The following SEC22B variants were observed in gnomAD, a reference collection of about 807,000 sequenced individuals.
The protein encoded by SEC22B is vesicle-trafficking protein SEC22b.
SEC22B carries 10 observed loss-of-function variants against 31.4 expected under a neutral mutation model. That is an observed-to-expected ratio of 0.32 (90% confidence interval 0.20 to 0.54). SEC22B has a LOEUF of 0.54. Ranked by LOEUF, SEC22B falls within the 20% of genes least tolerant of loss-of-function variation. SEC22B has a pLI of 0.94. For synonymous variants in SEC22B, 60 were observed against 95.9 expected (o/e 0.63, Z 2.19); for missense variants, 130 against 263.4 (o/e 0.49, Z 3.50).
intron 1 of SEC22B, among the ~76,000 whole-genome samples, chr1:120,170,504 T>G (rs1192510157): frequency 0.22 from 33,277 of 148,350 alleles, 6,178 homozygotes; most frequent in African/African-American, 0.52. Context: ...GAACTGGAAA[T>G]TTCAATAAGA....
chr1:120,169,613 C>G (rs1471582108), intron 1 of SEC22B, among the ~76,000 whole-genome samples: 2 of 149,566 alleles, frequency 1.3e-5, no homozygotes, highest in African/African-American at 4.9e-5. Context: ...GTTATAATTA[C>G]AGGTAATATT....
At position 120,151,946 on chromosome 1, in the gene SEC22B, C is replaced by T. The variant is rs1298304213; in HGVS notation, c.*5092G>A. 103 of 151,866 alleles carry T rather than the reference C, an allele frequency of 6.8e-4. No homozygotes were observed. The highest frequency in any genetic ancestry group is 3.4e-3 in the Middle Eastern group (1 of 290). 9.4% of individuals were successfully genotyped at this position (151,866 alleles called of 1,614,324 possible). On this transcript the variant is annotated 3_prime_UTR_variant, in exon 5 of 5. Coordinates refer to ENST00000578049, the MANE Select transcript of SEC22B (RefSeq NM_004892.6). ...TCAGGTAAAGGGGTGGCAGGTGACG[C>T]TTAAATACTAGAAATATAAGAAGCA...
In SEC22B at chr1:120,156,677, C is replaced by T. The variant is rs1253706925; in HGVS notation, c.*361G>A. The stretch of plus-strand genomic sequence containing the variant: ...TGAAGGAATTTCAGAATGTTGCTAG[C>T]ACAGGTTGACTAAGTTAAATCTCAT... On this transcript the variant is annotated 3_prime_UTR_variant, in exon 5 of 5. Transcript: ENST00000578049. 1 of 161,164 alleles carries T rather than the reference C, an allele frequency of 6.2e-6. No homozygotes were observed. The highest frequency in any genetic ancestry group is 1.7e-4 in the East Asian group (1 of 5,930). 10.0% of individuals were successfully genotyped at this position (161,164 alleles called of 1,614,324 possible).
In SEC22B at chr1:120,154,147, G is replaced by A. The variant is rs1234552122; in HGVS notation, c.*2891C>T. On this transcript the variant is annotated 3_prime_UTR_variant, in exon 5 of 5. Coordinates refer to ENST00000578049, the MANE Select transcript of SEC22B (RefSeq NM_004892.6). ...TCTCCAGTGCTCTGGAATTACTTCTGCCTGTATGATTAAGTTCCTCATTGT... is the reference window on the plus strand; with the variant it reads ...TCTCCAGTGCTCTGGAATTACTTCTACCTGTATGATTAAGTTCCTCATTGT... The A allele has an allele frequency of 1.3e-5, 2 of 151,780 alleles. No homozygotes were observed. The highest frequency in any genetic ancestry group is 1.5e-5 in the Non-Finnish European group (1 of 67,902). The allele number at this position is 151,780 out of a possible 1,614,324, so 9.4% of individuals were successfully genotyped here. A position where few individuals can be genotyped will look rare whatever the true frequency, so the allele number is the denominator to read the frequency against.
intron 1 of SEC22B, 147 bp downstream of exon 1, chr1:120,176,160 T>C (rs1553230180): frequency 1.9e-5 from 13 of 673,914 alleles, no homozygotes; most frequent in African/African-American, 3.6e-5. Flanking sequence ...TAGTCTCTCC[T>C]ACACCAAAAG....
At chr1:120,163,126 G>A (rs1269825943) in intron 3 of SEC22B, 84 bp downstream of exon 3, 26 of 556,436 alleles carry the variant, frequency 4.7e-5, no homozygotes, top group Middle Eastern at 3.0e-4. Context: ...CAGAAAAAAT[G>A]TATAAATATT....
chr1:120,158,361 A>G (rs1486352184), intron 4 of SEC22B: 1 of 125,274 alleles, frequency 8.0e-6, no homozygotes, highest in Non-Finnish European at 1.5e-5. Flanking sequence ...AGAGCCTACA[A>G]GAATATACAC....
rs1297406041 is a variant in SEC22B, at chr1:120,168,815, A to G, written c.185+25T>C. 4,920 of 874,662 alleles carry G rather than the reference A, an allele frequency of 5.6e-3. 1,231 individuals are homozygous for G. In the African/African-American group the frequency reaches 0.13, roughly 24 times the overall value. The allele number at this position is 874,662 out of a possible 1,614,324, so 54.2% of individuals were successfully genotyped here. On this transcript the variant is annotated intron_variant, in intron 2 of 4. Transcript: ENST00000578049. ...GTTACTGTATTTCACTTAAATGATC[A>G]TAAAGAAATCAAGATTACACTCACT...
At chr1:120,167,856 T>C (rs1657837730) in intron 2 of SEC22B, among the ~76,000 whole-genome samples, 3 of 152,124 alleles carry the variant, frequency 2.0e-5, no homozygotes, top group Admixed American at 6.6e-5. Context: ...CTCTAAACCA[T>C]GGTGAAAATG....
At position 120,176,486 on chromosome 1, in the gene SEC22B, A is replaced by T. The variant is rs1289897027; in HGVS notation, c.-105T>A. The T allele has an allele frequency of 3.7e-5, 38 of 1,015,134 alleles. No individual in the cohort carries two copies. The Admixed American group carries it at 4.1e-4, about 11-fold the overall frequency. 62.9% of individuals were successfully genotyped at this position (1,015,134 alleles called of 1,614,324 possible). The stretch of plus-strand genomic sequence containing the variant: ...ATACCCTATGTCTCAGTTACCGGAG[A>T]TCCAGCTGCTTGCGTCTCCGCTTCC... On this transcript the variant is annotated 5_prime_UTR_variant, in exon 1 of 5. Coordinates refer to ENST00000578049, the MANE Select transcript of SEC22B (RefSeq NM_004892.6).
chr1:120,176,363 T>C lies in SEC22B; in HGVS notation c.19A>G (p.Ile7Val). The C allele has an allele frequency of 6.2e-7, 1 of 1,613,784 alleles. No individual in the cohort carries two copies. The highest frequency in any genetic ancestry group is 1.1e-5 in the South Asian group (1 of 91,056). Residue 7 changes from isoleucine (I) to valine (V), a missense_variant, in exon 1 of 5, where the codon ATC becomes GTC. Physicochemically the swap from Ile to Val is conservative, Grantham distance 29 (BLOSUM62 3). Coordinates refer to ENST00000578049, the MANE Select transcript of SEC22B (RefSeq NM_004892.6). ...GGGAGCCCGTCCGCCACTCGGGCGA[T>C]CATTGTTAGCAACACCATCTTCACA... is the stretch of plus-strand genomic sequence containing the variant. Reference protein sequence around the residue: MVLLTMIARVADGLPLA... With the variant: MVLLTMVARVADGLPLA...
chr1:120,164,044 C>G (rs1203706687), intron 2 of SEC22B, among the ~76,000 whole-genome samples: 4 of 132,984 alleles, frequency 3.0e-5, no homozygotes, highest in Non-Finnish European at 4.9e-5. Context: ...ACAGCAATCT[C>G]CACCTCCCAG....
At chr1:120,176,105 CA>C (rs1657956489) in intron 1 of SEC22B, among the ~76,000 whole-genome samples, 1 of 152,198 alleles carries the variant, frequency 6.6e-6, no homozygotes, top group African/African-American at 2.4e-5. Flanking sequence ...ACAGCTAACA[CA>C]AAAAACTTAA....
At chr1:120,159,912 T>C (rs1173010559) in intron 4 of SEC22B, among the ~76,000 whole-genome samples, 3 of 150,834 alleles carry the variant, frequency 2.0e-5, no homozygotes, top group Admixed American at 1.3e-4. Flanking sequence ...TCAATAACAA[T>C]GGCTGACTGA....
chr1:120,167,825 G>A (rs1657837280), intron 2 of SEC22B, among the ~76,000 whole-genome samples: 1 of 152,126 alleles, frequency 6.6e-6, no homozygotes, highest in African/African-American at 2.4e-5. Flanking sequence ...AATTCCATGA[G>A]AACTTTCCTA....
chr1:120,162,801 A>G (rs1193809526), intron 3 of SEC22B, among the ~76,000 whole-genome samples: 1 of 152,146 alleles, frequency 6.6e-6, no homozygotes, highest in Non-Finnish European at 1.5e-5. Context: ...ACAAAACATC[A>G]TTCTTTCTGA....
chr1:120,167,353 A>G (rs1657828933), intron 2 of SEC22B, among the ~76,000 whole-genome samples: 1 of 152,052 alleles, frequency 6.6e-6, no homozygotes, highest in Non-Finnish European at 1.5e-5. Context: ...GTTCTCCAAC[A>G]TGCTAGGTTC....
At position 120,153,992 on chromosome 1, in the gene SEC22B, A is replaced by T. The variant is rs1657588310; in HGVS notation, c.*3046T>A. The T allele has an allele frequency of 6.6e-6, 1 of 151,466 alleles. No individual in the cohort carries two copies. The highest frequency in any genetic ancestry group is 1.5e-5 in the Non-Finnish European group (1 of 67,822). 9.4% of individuals were successfully genotyped at this position (151,466 alleles called of 1,614,324 possible). On this transcript the variant is annotated 3_prime_UTR_variant, in exon 5 of 5. Transcript: ENST00000578049. ...ATTTCCAAATTTTGACACTTGTAAG[A>T]TGTCTTAATTAAAACAAGCCATGAA...
chr1:120,155,790 G>A lies in SEC22B; in HGVS notation c.*1248C>T, dbSNP rs1415725418. ...CCATTAAAAAATTCTACCTCAGAAGGTAAAAGGAAATCTCCATCATCCCTG... is the reference window on the plus strand; with the variant it reads ...CCATTAAAAAATTCTACCTCAGAAGATAAAAGGAAATCTCCATCATCCCTG... On this transcript the variant is annotated 3_prime_UTR_variant, in exon 5 of 5. Transcript: ENST00000578049. 1 of 152,044 alleles carries A rather than the reference G, an allele frequency of 6.6e-6. No individual in the cohort carries two copies. Among genetic ancestry groups the A allele is most frequent in the African/African-American group, 2.4e-5 (1 of 41,398 alleles). The allele number at this position is 152,044 out of a possible 1,614,324, so 9.4% of individuals were successfully genotyped here. A position where few individuals can be genotyped will look rare whatever the true frequency, so the allele number is the denominator to read the frequency against.
Sources: gnomAD v4.1 joint callset for allele counts (sites outside exome capture counted in the v4.1 genomes callset) on GRCh38, gnomAD v4.1.1 for gene constraint, MANE v1.5 for transcripts, NCBI Gene and HGNC (gene_info 2026-07-23, HGNC 2026-07-21) for gene names.